Variants in SGCD observed in about 807,000 individuals in gnomAD.
SGCD encodes sarcoglycan delta, also known as delta-sarcoglycan.
In SGCD, 18 loss-of-function variants were observed where a neutral mutation model predicts 36.6. The observed-to-expected ratio is 0.49, with a 90% CI of 0.34 to 0.73. The LOEUF is 0.73. Among genes scored for constraint, SGCD ranks in the 30% least tolerant of loss-of-function variants. SGCD has a pLI of 0.01. For missense variants in SGCD, 387 were observed against 346.7 expected (o/e 1.12, Z -0.92); for synonymous variants, 133 against 130.6 (o/e 1.02, Z -0.12).
chr5:155,732,848 A>G, the SGCD span, among the ~76,000 whole-genome samples: 1 of 152,174 alleles, frequency 6.6e-6, no homozygotes, highest in Non-Finnish European at 1.5e-5. Context: ...CTTCAAGAGG[A>G]GAACTCTGAG....
chr5:156,415,001 A>G (rs1396064377), intron 3 of SGCD, among the ~76,000 whole-genome samples: 3 of 152,168 alleles, frequency 2.0e-5, no homozygotes, highest in Non-Finnish European at 2.9e-5. Context: ...CCAGTATTTT[A>G]TTCTTTGGAG....
chr5:155,792,979 A>G, the SGCD span, among the ~76,000 whole-genome samples: 3 of 152,218 alleles, frequency 2.0e-5, no homozygotes, highest in Non-Finnish European at 4.4e-5. Flanking sequence ...GCTGTTCACA[A>G]TAGCAAAGTC....
At chr5:156,735,095 CT>C in intron 7 of SGCD, among the ~76,000 whole-genome samples, 1 of 152,302 alleles carries the variant, frequency 6.6e-6, no homozygotes, top group Non-Finnish European at 1.5e-5. Flanking sequence ...ACTCCAGTCC[CT>C]AATCACCTCA....
chr5:156,595,757 A>G (rs1168218479), intron 6 of SGCD, among the ~76,000 whole-genome samples: 1 of 152,228 alleles, frequency 6.6e-6, no homozygotes. Context: ...ATCATCTAGG[A>G]AACTTTGGAA....
At chr5:156,406,389 T>C (rs988984695) in intron 3 of SGCD, among the ~76,000 whole-genome samples, 11 of 152,128 alleles carry the variant, frequency 7.2e-5, no homozygotes, top group Admixed American at 3.3e-4. Context: ...CACTCTGTGA[T>C]AAGTTTTACT....
intron 3 of SGCD, among the ~76,000 whole-genome samples, chr5:156,366,291 C>A (rs796509895): frequency 4.6e-5 from 7 of 152,236 alleles, no homozygotes; most frequent in African/African-American, 1.7e-4. Context: ...ATTCACAAAT[C>A]AGAAGAAAGG....
chr5:156,249,256 G>C (rs1242132090), intron 3 of SGCD, among the ~76,000 whole-genome samples: 1 of 152,096 alleles, frequency 6.6e-6, no homozygotes, highest in Admixed American at 6.6e-5. Context: ...AGGCAGGACA[G>C]GCCACAAAAA....
chr5:156,485,125 A>C (rs1053667342), intron 3 of SGCD, among the ~76,000 whole-genome samples: 1 of 152,134 alleles, frequency 6.6e-6, no homozygotes, highest in African/African-American at 2.4e-5. Context: ...TTCTCCAGCT[A>C]ACTTGAGGTC....
chr5:156,503,345 GGGT>G (rs746619132), intron 3 of SGCD, among the ~76,000 whole-genome samples: 21 of 152,136 alleles, frequency 1.4e-4, no homozygotes, highest in Non-Finnish European at 2.2e-4. Flanking sequence ...TTATGTCTGG[GGGT>G]GGGTGAATGT....
At chr5:156,368,970 C>G (rs953336458) in intron 3 of SGCD, among the ~76,000 whole-genome samples, 1 of 152,212 alleles carries the variant, frequency 6.6e-6, no homozygotes, top group Non-Finnish European at 1.5e-5. Context: ...CCCTGCAAAA[C>G]TAGTCCCTCG....
intron 3 of SGCD, among the ~76,000 whole-genome samples, chr5:156,419,382 T>C (rs1230351744): frequency 6.6e-6 from 1 of 152,200 alleles, no homozygotes; most frequent in Non-Finnish European, 1.5e-5. Flanking sequence ...TCCCACAGCA[T>C]AGCCAAGAAA....
chr5:156,587,155 A>T (rs1189174209), intron 4 of SGCD, among the ~76,000 whole-genome samples: 3 of 152,222 alleles, frequency 2.0e-5, no homozygotes, highest in African/African-American at 7.2e-5. Context: ...TGTTAGATAG[A>T]AACAGTGCTG....
At chr5:155,939,327 T>C (rs1231273287) in intron 1 of SGCD, among the ~76,000 whole-genome samples, 1 of 152,142 alleles carries the variant, frequency 6.6e-6, no homozygotes, top group East Asian at 1.9e-4. Context: ...TAAATATATA[T>C]AATTTTTATT....
At chr5:156,706,174 G>A (rs1443745649) in intron 7 of SGCD, among the ~76,000 whole-genome samples, 1 of 151,596 alleles carries the variant, frequency 6.6e-6, no homozygotes, top group East Asian at 1.9e-4. Context: ...TATTTTTAAG[G>A]ACTTAAAAAA....
chr5:155,983,187 G>A (rs1345408132), intron 1 of SGCD, among the ~76,000 whole-genome samples: 1 of 152,206 alleles, frequency 6.6e-6, no homozygotes, highest in Non-Finnish European at 1.5e-5. Flanking sequence ...AACAGGCACT[G>A]TAGAAAGTGT....
intron 4 of SGCD, among the ~76,000 whole-genome samples, chr5:156,538,804 C>T (rs1000914197): frequency 3.3e-5 from 5 of 152,154 alleles, no homozygotes. Flanking sequence ...ATATCTTGCC[C>T]TACCTCAATA....
chr5:155,875,473 T>C (rs1379428489), intron 1 of SGCD, among the ~76,000 whole-genome samples: 4 of 152,236 alleles, frequency 2.6e-5, no homozygotes, highest in East Asian at 1.9e-4. Flanking sequence ...GAGCATTTTA[T>C]TTGGGGAACT....
At chr5:156,148,791 A>T (rs1184728824) in intron 3 of SGCD, among the ~76,000 whole-genome samples, 1 of 152,210 alleles carries the variant, frequency 6.6e-6, no homozygotes, top group African/African-American at 2.4e-5. Context: ...TGCACCTACA[A>T]GCAGGAGTGT....
intron 3 of SGCD, among the ~76,000 whole-genome samples, chr5:156,378,350 G>C (rs3969758): frequency 0.52 from 78,321 of 151,978 alleles, 20,801 homozygotes; most frequent in East Asian, 0.85. Flanking sequence ...GGGGACTGGA[G>C]AGTTATTGCT....
Sources: allele counts gnomAD v4.1 joint callset (sites outside exome capture counted in the v4.1 genomes callset), GRCh38; gene constraint gnomAD v4.1.1; transcripts MANE v1.5; gene names NCBI Gene and HGNC (gene_info 2026-07-23, HGNC 2026-07-21).